ATP2C2: variants seen among roughly 807,000 people sequenced by gnomAD.
The protein encoded by ATP2C2 is calcium-transporting ATPase type 2C member 2.
Under a neutral mutation model 110.8 loss-of-function variants are expected in ATP2C2, and 171 were observed. The observed-to-expected ratio is 1.54, with a 90% confidence interval of 1.36 to 1.75. The LOEUF (loss-of-function observed/expected upper bound fraction) is 1.75, where lower values mean the gene tolerates loss of function less well. Among genes scored for constraint, ATP2C2 ranks in the 40% most tolerant of loss-of-function variants. The probability of loss-of-function intolerance (pLI) is 0.00; values close to 1 mark genes in which losing one functional copy is unlikely to be tolerated. For synonymous variants in ATP2C2, 804 were observed against 508.4 expected, an observed-to-expected ratio of 1.58 and a Z score of -7.82; for missense variants, 1,963 against 1,235.0, an observed-to-expected ratio of 1.59 and a Z score of -8.84.
intron 1 of ATP2C2, among the ~76,000 whole-genome samples, chr16:84,395,402 C>G (rs986436851): frequency 3.2e-4 from 49 of 151,946 alleles, no homozygotes; most frequent in African/African-American, 1.1e-3. Flanking sequence ...GAGCACGTGA[C>G]AAAGGTTGGG....
At chr16:84,436,913 C>T (rs981385399) in intron 11 of ATP2C2, among the ~76,000 whole-genome samples, 2 of 152,086 alleles carry the variant, frequency 1.3e-5, no homozygotes, top group Non-Finnish European at 2.9e-5. Flanking sequence ...CAGGCATGCG[C>T]CACCACGCCT....
At chr16:84,391,550 C>T (rs1225664263) in intron 1 of ATP2C2, among the ~76,000 whole-genome samples, 1 of 152,174 alleles carries the variant, frequency 6.6e-6, no homozygotes, top group African/African-American at 2.4e-5. Flanking sequence ...GAAAAGCAGA[C>T]AGAGACGCTT....
chr16:84,460,413 C>G (rs777567208), intron 23 of ATP2C2: 3 of 589,704 alleles, frequency 5.1e-6, no homozygotes, highest in Admixed American at 5.9e-5. Flanking sequence ...GTTGGCCTTA[C>G]GGGGTGGTCT....
intron 1 of ATP2C2, among the ~76,000 whole-genome samples, chr16:84,375,879 A>T (rs1910221119): frequency 6.6e-6 from 1 of 152,052 alleles, no homozygotes; most frequent in Non-Finnish European, 1.5e-5. Flanking sequence ...GTGAAAAATA[A>T]AGAGGAAGTC....
At chr16:84,383,329 C>G (rs1003754327) in intron 1 of ATP2C2, among the ~76,000 whole-genome samples, 1 of 152,226 alleles carries the variant, frequency 6.6e-6, no homozygotes, top group African/African-American at 2.4e-5. Flanking sequence ...GCAAAGCTCT[C>G]AAATCCAGGG....
At chr16:84,403,132 C>T (rs756279390) in intron 2 of ATP2C2, among the ~76,000 whole-genome samples, 2 of 151,982 alleles carry the variant, frequency 1.3e-5, no homozygotes, top group Non-Finnish European at 2.9e-5. Flanking sequence ...TGTGAAGTTT[C>T]CTTTTTCATT....
At position 84,462,070 on chromosome 16, in the gene ATP2C2, C is replaced by T. The variant is rs765192423; in HGVS notation, c.2663C>T (p.Ala888Val). The change falls in exon 26 of 27, where the codon GCG becomes GTG. Residue 888 changes from alanine (A) to valine (V), a missense_variant. Ala to Val is a moderately conservative substitution (Grantham distance 64, BLOSUM62 0). Transcript: ENST00000262429. ...SVLGSILGQL[A>V]VIYIPPLQRV... ...CTGGGGTCCATCCTGGGGCAGCTGG[C>T]GGTCATTTACATCCCCCCGCTGCAG... The T allele has an allele frequency of 2.9e-5, 46 of 1,613,872 alleles. No homozygotes were observed. The highest frequency in any genetic ancestry group is 1.7e-4 in the Admixed American group (10 of 59,994).
chr16:84,448,608 G>A lies in ATP2C2; in HGVS notation c.1579G>A (p.Gly527Ser). 6.2e-7 allele frequency: 1 copy of A among 1,614,086 alleles called. No individual in the cohort carries two copies. Among genetic ancestry groups the A allele is most frequent in the Non-Finnish European group, 8.5e-7 (1 of 1,179,984 alleles). The change falls in exon 17 of 27, where the codon GGC (glycine) becomes AGC (serine). Residue 527 changes from glycine to serine, a missense_variant. Physicochemically the swap from Gly to Ser is moderately conservative, Grantham distance 56. Transcript: ENST00000262429. Reference sequence around the variant, plus strand: ...CTACTGCACCATGTACAACAACGGGGGCATCCCCCTGCCGCTGACGCCCCA... The same window carrying A: ...CTACTGCACCATGTACAACAACGGGAGCATCCCCCTGCCGCTGACGCCCCA... Reference protein sequence around the residue: ...IRYCTMYNNGGIPLPLTPQQR... With the variant: ...IRYCTMYNNGSIPLPLTPQQR...
intron 23 of ATP2C2, 91 bp downstream of exon 23, chr16:84,459,477 G>A (rs1168955517): frequency 6.3e-7 from 1 of 1,598,382 alleles, no homozygotes; most frequent in Non-Finnish European, 8.5e-7. Flanking sequence ...AGGCTATAGG[G>A]ATGAACAAAT....
At chr16:84,400,593 C>G (rs949810224) in intron 2 of ATP2C2, among the ~76,000 whole-genome samples, 9 of 152,200 alleles carry the variant, frequency 5.9e-5, no homozygotes, top group African/African-American at 2.2e-4. Context: ...TCCCAAAGTG[C>G]TGGGATTACA....
Position 84,440,567 on chromosome 16 carries a change from A to G in ATP2C2, c.1210-290A>G, listed in dbSNP as rs574442707. Among the ~76,000 whole-genome samples the G allele has an allele frequency of 2.0e-4, 31 of 152,354 alleles. No individual in the cohort carries two copies. The South Asian group carries it at 5.8e-3, about 29-fold the overall frequency. On this transcript the variant is annotated intron_variant, in intron 13 of 26. Transcript: ENST00000262429. The stretch of plus-strand genomic sequence containing the variant: ...ACGTTTACCCAGCGCTGTTCTTGGA[A>G]TAGAAGCACTCTTCTATGCTAGTTC...
intron 20 of ATP2C2, 82 bp downstream of exon 20, chr16:84,453,453 C>G: frequency 6.4e-7 from 1 of 1,563,204 alleles, no homozygotes; most frequent in Non-Finnish European, 8.8e-7. Context: ...ATGCGTCCGT[C>G]GGGTGACAGT....
intron 14 of ATP2C2, 142 bp downstream of exon 14, chr16:84,441,100 G>A: frequency 4.1e-6 from 3 of 727,510 alleles, no homozygotes; most frequent in Admixed American, 5.0e-5. Context: ...GCACAGCACT[G>A]AAAAAATGGC....
chr16:84,383,863 C>T (rs1176022485), intron 1 of ATP2C2, among the ~76,000 whole-genome samples: 2 of 146,446 alleles, frequency 1.4e-5, no homozygotes, highest in Non-Finnish European at 3.0e-5. Context: ...AATCTCGGCT[C>T]ACTGCAGCAT....
chr16:84,430,837 G>T (rs1280198143), intron 11 of ATP2C2, among the ~76,000 whole-genome samples: 2 of 151,904 alleles, frequency 1.3e-5, no homozygotes, highest in Non-Finnish European at 2.9e-5. Context: ...ATGGGATCAG[G>T]GCATGGAAGA....
chr16:84,415,608 C>T lies in ATP2C2; in HGVS notation c.624+17C>T, dbSNP rs1310978070. On this transcript the variant is annotated intron_variant, in intron 7 of 26. Transcript: ENST00000262429. ...CTCACTGAGGTGAGTGGTTCCAAAC[C>T]CTTGTCAATGGGGTATTTGATGGAG... 6.3e-7 allele frequency: 1 copy of T among 1,590,992 alleles called. No individual in the cohort carries two copies. The highest frequency in any genetic ancestry group is 8.6e-7 in the Non-Finnish European group (1 of 1,163,586).
At chr16:84,442,048 A>C (rs1909312196) in intron 14 of ATP2C2, among the ~76,000 whole-genome samples, 1 of 152,012 alleles carries the variant, frequency 6.6e-6, no homozygotes, top group Non-Finnish European at 1.5e-5. Context: ...GAGCGCTGGG[A>C]ATCCCACTCT....
Position 84,428,498 on chromosome 16 carries a change from A to G in ATP2C2, c.986+2697A>G, listed in dbSNP as rs150665193. Among the ~76,000 whole-genome samples the G allele has an allele frequency of 1.2e-4, 18 of 152,362 alleles. No homozygotes were observed. In the East Asian group the frequency reaches 3.5e-3, roughly 29 times the overall value. ...TCTGGCTTTGGATACTTTGTCACTC[A>G]GTGTATTTAACAAACAAAATCTTAG... is the stretch of plus-strand genomic sequence containing the variant. On this transcript the variant is annotated intron_variant, in intron 11 of 26. Coordinates refer to ENST00000262429, the MANE Select transcript of ATP2C2 (RefSeq NM_014861.4).
At chr16:84,378,038 A>C (rs1910351138) in intron 1 of ATP2C2, among the ~76,000 whole-genome samples, 2 of 152,174 alleles carry the variant, frequency 1.3e-5, no homozygotes, top group South Asian at 4.2e-4. Context: ...ACTCAAGTGC[A>C]AACAGAGACA....
Sources: allele counts gnomAD v4.1 joint callset (sites outside exome capture counted in the v4.1 genomes callset), GRCh38; gene constraint gnomAD v4.1.1; transcripts MANE v1.5; gene names NCBI Gene and HGNC (gene_info 2026-07-23, HGNC 2026-07-21).